The following CORO2B variants were observed in gnomAD, a reference collection of about 807,000 sequenced individuals.
CORO2B encodes the protein coronin 2B.
Under a neutral mutation model 58.8 loss-of-function variants are expected in CORO2B, and 26 were observed. That is an observed-to-expected ratio of 0.44 (90% CI 0.32 to 0.61). CORO2B has a LOEUF of 0.61. CORO2B is among the 20% of genes least tolerant of loss of function. The probability of loss-of-function intolerance (pLI) is 0.04; values close to 1 mark genes in which losing one functional copy is unlikely to be tolerated. For missense variants in CORO2B, 460 were observed against 645.1 expected, an observed-to-expected ratio of 0.71 and a Z score of 3.11; for synonymous variants, 242 against 253.8, an observed-to-expected ratio of 0.95 and a Z score of 0.44.
the CORO2B span, among the ~76,000 whole-genome samples, chr15:68,520,285 T>C: frequency 1.2e-4 from 18 of 152,246 alleles, no homozygotes; most frequent in African/African-American, 4.3e-4. Context: ...ATTAGGTGAA[T>C]TTTCCTAGTT....
At chr15:68,680,925 G>A (rs1324459282) in intron 2 of CORO2B, among the ~76,000 whole-genome samples, 3 of 152,174 alleles carry the variant, frequency 2.0e-5, no homozygotes, top group Non-Finnish European at 2.9e-5. Flanking sequence ...AAAGCTTAGG[G>A]AAAAGGGGCC....
At position 68,672,776 on chromosome 15, in the gene CORO2B, C is replaced by A. The variant is rs72748554; in HGVS notation, c.217-22364C>A. Among the ~76,000 whole-genome samples, 579 of 152,198 alleles carry A rather than the reference C, an allele frequency of 3.8e-3. 1 individual carries two copies. The highest frequency in any genetic ancestry group is 5.3e-3 in the Non-Finnish European group (363 of 68,008). The stretch of plus-strand genomic sequence containing the variant: ...GAGATACATCAGGCAGCAAACCAGG[C>A]CCCTTAGGTTATGAGGCAGGGACCT... On this transcript the variant is annotated intron_variant, in intron 2 of 11. Coordinates refer to ENST00000261861, the MANE Select transcript of CORO2B (RefSeq NM_006091.5).
the CORO2B span, among the ~76,000 whole-genome samples, chr15:68,543,132 C>A: frequency 1.3e-5 from 2 of 152,184 alleles, no homozygotes; most frequent in Non-Finnish European, 2.9e-5. Context: ...GGTGGAGGGG[C>A]TTTGCATGGC....
rs1303816767 is a variant in CORO2B, at chr15:68,616,929, CAAAGGAAGAAGGG to C, written c.16-28222_16-28210del. Among the ~76,000 whole-genome samples, 33 of 152,238 alleles carry C rather than the reference CAAAGGAAGAAGGG, an allele frequency of 2.2e-4. No individual in the cohort carries two copies. The East Asian group carries it at 6.4e-3, about 29-fold the overall frequency. ...TGCCTGAGGATAAAACAAAGGGTTT[CAAAGGAAGAAGGG>C]AAAGGAAGGAACTAAAGTTTACAAA... is the stretch of plus-strand genomic sequence containing the variant. On this transcript the variant is annotated intron_variant, in intron 1 of 11. Coordinates refer to ENST00000261861, the MANE Select transcript of CORO2B (RefSeq NM_006091.5).
chr15:68,716,091 A>G (rs1893026398), intron 8 of CORO2B, among the ~76,000 whole-genome samples: 1 of 152,186 alleles, frequency 6.6e-6, no homozygotes, highest in Non-Finnish European at 1.5e-5. Flanking sequence ...AGGGCCTGAG[A>G]GCCCACTCCA....
chr15:68,664,918 C>A (rs1011376731), intron 2 of CORO2B, among the ~76,000 whole-genome samples: 1 of 152,016 alleles, frequency 6.6e-6, no homozygotes, highest in Non-Finnish European at 1.5e-5. Context: ...GGGAAATGAG[C>A]CTTTTGGAAT....
intron 2 of CORO2B, among the ~76,000 whole-genome samples, chr15:68,665,245 C>T (rs1345119638): frequency 6.6e-6 from 1 of 151,984 alleles, no homozygotes. Context: ...CCTTTCTTTC[C>T]CCTACTGATT....
At chr15:68,661,717 C>G (rs1354610349) in intron 2 of CORO2B, among the ~76,000 whole-genome samples, 1 of 152,126 alleles carries the variant, frequency 6.6e-6, no homozygotes, top group Non-Finnish European at 1.5e-5. Flanking sequence ...CATTAAAAAC[C>G]TGTTCAGGGC....
intron 2 of CORO2B, among the ~76,000 whole-genome samples, chr15:68,690,985 T>C (rs916778116): frequency 6.6e-6 from 1 of 151,676 alleles, no homozygotes; most frequent in Non-Finnish European, 1.5e-5. Flanking sequence ...GACAACATGT[T>C]TTCTTGGAGT....
chr15:68,563,637 T>C, the CORO2B span, among the ~76,000 whole-genome samples: 10 of 152,176 alleles, frequency 6.6e-5, no homozygotes, highest in South Asian at 2.1e-3. Flanking sequence ...TGACACACCT[T>C]TAGCTAGACT....
intron 2 of CORO2B, among the ~76,000 whole-genome samples, chr15:68,681,571 T>A (rs1051280780): frequency 6.6e-6 from 1 of 152,090 alleles, no homozygotes; most frequent in Admixed American, 6.6e-5. Context: ...ACATCACATT[T>A]AAAATTGGGT....
intron 2 of CORO2B, among the ~76,000 whole-genome samples, chr15:68,668,971 G>A (rs1466178068): frequency 2.6e-5 from 4 of 151,812 alleles, no homozygotes; most frequent in Admixed American, 6.6e-5. Context: ...CCAACTACTC[G>A]GGAGGCTGAA....
In CORO2B at chr15:68,655,917, G is replaced by T. The variant is rs1351918082; in HGVS notation, c.216+10557G>T. Among the ~76,000 whole-genome samples, 3 of 152,158 alleles carry T rather than the reference G, an allele frequency of 2.0e-5. No individual in the cohort carries two copies. The East Asian group carries it at 5.8e-4, about 29-fold the overall frequency. ...ACAAAAATGATTTAGGGTGCAGGAG[G>T]GGTGTGGGGAGTGGAACTAAGGTTG... On this transcript the variant is annotated intron_variant, in intron 2 of 11. Transcript: ENST00000261861.
the CORO2B span, among the ~76,000 whole-genome samples, chr15:68,572,396 C>T: frequency 6.6e-5 from 10 of 152,222 alleles, no homozygotes; most frequent in South Asian, 1.0e-3. Context: ...TCCTTGTCTT[C>T]GGTGGAAAGA....
intron 1 of CORO2B, among the ~76,000 whole-genome samples, chr15:68,630,986 C>T (rs1164259325): frequency 6.6e-6 from 1 of 152,180 alleles, no homozygotes; most frequent in African/African-American, 2.4e-5. Context: ...TGGACTTCCT[C>T]CTAGGTCTCA....
At chr15:68,540,289 C>G in the CORO2B span, among the ~76,000 whole-genome samples, 893 of 152,314 alleles carry the variant, frequency 5.9e-3, 10 homozygotes, top group African/African-American at 0.02. Context: ...CATTACTTAA[C>G]ATCACGACCC....
At chr15:68,641,763 C>T (rs753413234) in intron 1 of CORO2B, among the ~76,000 whole-genome samples, 8 of 152,140 alleles carry the variant, frequency 5.3e-5, no homozygotes, top group Admixed American at 1.3e-4. Flanking sequence ...TCGGCACTGT[C>T]GCCCAGGTGG....
chr15:68,630,316 CT>C (rs1354851543), intron 1 of CORO2B, among the ~76,000 whole-genome samples: 3 of 152,224 alleles, frequency 2.0e-5, no homozygotes, highest in Non-Finnish European at 4.4e-5. Context: ...TTATCATCCC[CT>C]GAGCTGTGCA....
chr15:68,691,895 C>T (rs1285998234), intron 2 of CORO2B, among the ~76,000 whole-genome samples: 2 of 152,272 alleles, frequency 1.3e-5, no homozygotes, highest in East Asian at 1.9e-4. Flanking sequence ...TTCAGATTTG[C>T]CTGGGCTGGG....
Sources: gnomAD v4.1 joint callset for allele counts (sites outside exome capture counted in the v4.1 genomes callset) on GRCh38, gnomAD v4.1.1 for gene constraint, MANE v1.5 for transcripts, NCBI Gene and HGNC (gene_info 2026-07-23, HGNC 2026-07-21) for gene names.